Variants in NUP85 observed in about 807,000 individuals in gnomAD.
The protein encoded by NUP85 is nucleoporin 85.
NUP85 carries 23 observed loss-of-function variants against 92.8 expected under a neutral mutation model. The ratio of observed to expected loss-of-function variants is 0.25; its 90% CI spans 0.18 to 0.35. NUP85 has a LOEUF of 0.35. Ranked by LOEUF, NUP85 falls within the 10% of genes least tolerant of loss-of-function variation. NUP85 has a pLI of 1.00. For synonymous variants in NUP85, 314 were observed against 306.9 expected, an observed-to-expected ratio of 1.02 and a Z score of -0.24; for missense variants, 759 against 822.8, an observed-to-expected ratio of 0.92 and a Z score of 0.95.
Position 75,234,750 on chromosome 17 carries a change from C to T in NUP85, c.1729C>T (p.Leu577=), listed in dbSNP as rs1466991490. ...TGCCCCTCGGTCTTTCTGGATGACT[C>T]TGCTGACAGACGCCTTGCCCCTTTT... The part of the protein sequence containing the change: ...RIAPRSFWMT[L]LTDALPLLEQ... The change falls in exon 17 of 19, where the codon CTG becomes TTG. Residue 577 remains leucine, a synonymous_variant. Coordinates refer to ENST00000245544, the MANE Select transcript of NUP85 (RefSeq NM_024844.5). 1.9e-6 allele frequency: 3 copies of T among 1,614,206 alleles called. No individual in the cohort carries two copies. Among genetic ancestry groups the T allele is most frequent in the Admixed American group, 1.7e-5 (1 of 60,032 alleles).
intron 14 of NUP85, among the ~76,000 whole-genome samples, chr17:75,232,642 C>G (rs1273859056): frequency 2.0e-5 from 3 of 152,136 alleles, no homozygotes; most frequent in African/African-American, 7.2e-5. Flanking sequence ...TAGAGCCAGT[C>G]TTGCCGTGAT....
At chr17:75,225,891 A>G in intron 10 of NUP85, 62 bp downstream of exon 10, 1 of 1,606,316 alleles carries the variant, frequency 6.2e-7, no homozygotes. Context: ...CTGATGGGTC[A>G]TTCTCTTTGA....
chr17:75,221,919 G>C (rs763618600), intron 7 of NUP85, among the ~76,000 whole-genome samples: 3 of 152,188 alleles, frequency 2.0e-5, no homozygotes, highest in Non-Finnish European at 4.4e-5. Context: ...GGGGTTTGCT[G>C]ATGGATTGAT....
rs140277927 is a variant in NUP85 at position 75,235,407 on chromosome 17, G to A, written c.1870-171G>A. On this transcript the variant is annotated intron_variant, in intron 18 of 18. Coordinates refer to ENST00000245544, the MANE Select transcript of NUP85 (RefSeq NM_024844.5). Reference sequence around the variant, plus strand: ...TCATCTCTACATTTTGTTCTTTGCTGTTCATCATTTCCAGTATGGCCCTTT... The same window carrying A: ...TCATCTCTACATTTTGTTCTTTGCTATTCATCATTTCCAGTATGGCCCTTT... The A allele has an allele frequency of 1.3e-4, 82 of 616,290 alleles. 2 individuals carry two copies. The African/African-American group carries it at 1.4e-3, about 10-fold the overall frequency. The allele number at this position is 616,290 out of a possible 1,614,324, so 38.2% of individuals were successfully genotyped here. A position where few individuals can be genotyped will look rare whatever the true frequency, so the allele number is the denominator to read the frequency against.
intron 1 of NUP85, among the ~76,000 whole-genome samples, chr17:75,207,254 GCTCT>G (rs1316740478): frequency 6.6e-6 from 1 of 151,434 alleles, no homozygotes; most frequent in Non-Finnish European, 1.5e-5. Context: ...TGCGGTCTCG[GCTCT>G]CTGCAACCTC....
chr17:75,213,309 C>T (rs1196517924), intron 5 of NUP85, among the ~76,000 whole-genome samples, 190 bp downstream of exon 5: 1 of 150,986 alleles, frequency 6.6e-6, no homozygotes, highest in Non-Finnish European at 1.5e-5. Context: ...TTGTTAAATA[C>T]TTGAGTGAAT....
chr17:75,211,936 T>C, intron 3 of NUP85, 56 bp from the exon 4 acceptor site: 1 of 1,341,184 alleles, frequency 7.5e-7, no homozygotes, highest in Middle Eastern at 1.8e-4. Context: ...TTTCCTTCCT[T>C]TGTGGCACTA....
intron 1 of NUP85, 100 bp downstream of exon 1, chr17:75,205,894 C>A: frequency 7.3e-7 from 1 of 1,369,588 alleles, no homozygotes; most frequent in Non-Finnish European, 1.0e-6. Context: ...TCGCGAGGCG[C>A]TCGTCCCCTT....
chr17:75,235,410 C>A, intron 18 of NUP85, 168 bp from the exon 19 acceptor site: 1 of 616,982 alleles, frequency 1.6e-6, no homozygotes, highest in Non-Finnish European at 2.8e-6. Context: ...CTTTGCTGTT[C>A]ATCATTTCCA....
At chr17:75,233,615 T>C (rs1488112401) in intron 16 of NUP85, among the ~76,000 whole-genome samples, 3 of 151,212 alleles carry the variant, frequency 2.0e-5, no homozygotes, top group Non-Finnish European at 3.0e-5. Flanking sequence ...ATTTATTTTT[T>C]GGGGACAGAG....
Position 75,225,247 on chromosome 17 carries a change from G to A in NUP85, c.732+10G>A, listed in dbSNP as rs1034148201. 2.5e-6 allele frequency: 4 copies of A among 1,604,880 alleles called. No homozygotes were observed. Among genetic ancestry groups the A allele is most frequent in the African/African-American group, 1.3e-5 (1 of 74,806 alleles). Reference sequence around the variant, plus strand: ...AATGCCCATTCTTAGTGTACGTGGGGGTAGCTTTGCTCTGCTGGGTCACAG... The same window carrying A: ...AATGCCCATTCTTAGTGTACGTGGGAGTAGCTTTGCTCTGCTGGGTCACAG... On this transcript the variant is annotated intron_variant, in intron 8 of 18. Coordinates refer to ENST00000245544, the MANE Select transcript of NUP85 (RefSeq NM_024844.5).
At chr17:75,228,221 G>C (rs1311514675) in intron 11 of NUP85, 1 of 985,208 alleles carries the variant, frequency 1.0e-6, no homozygotes, top group Non-Finnish European at 1.2e-6. Context: ...TATAAAAGGG[G>C]AAAGCATCCT....
chr17:75,231,894 G>A lies in NUP85; in HGVS notation c.1311G>A (p.Leu437=). 6.2e-7 allele frequency: 1 copy of A among 1,614,212 alleles called. No homozygotes were observed. Among genetic ancestry groups the A allele is most frequent in the Non-Finnish European group, 8.5e-7 (1 of 1,180,042 alleles). The change falls in exon 14 of 19, where the codon CTG becomes CTA. Residue 437 remains leucine (L), a synonymous_variant. Coordinates refer to ENST00000245544, the MANE Select transcript of NUP85 (RefSeq NM_024844.5). This position sits in a 1 kb window ranked among gnomAD's most constrained non-coding sequence, Gnocchi z 4.6. Reference sequence around the variant, plus strand: ...AGCTGGGCCGAGTCTCCCTGGAGCTGCACATTGAGCGGATACCTCTGAACA... The same window carrying A: ...AGCTGGGCCGAGTCTCCCTGGAGCTACACATTGAGCGGATACCTCTGAACA... The part of the protein sequence containing the change: ...CPELGRVSLE[L]HIERIPLNTE...
At chr17:75,207,942 A>G (rs2075135832) in intron 1 of NUP85, among the ~76,000 whole-genome samples, 2 of 151,914 alleles carry the variant, frequency 1.3e-5, no homozygotes, top group South Asian at 4.1e-4. Flanking sequence ...GTGAGTCGAG[A>G]TTGCGTCACT....
At chr17:75,226,239 C>A in intron 11 of NUP85, 82 bp downstream of exon 11, 1 of 1,033,526 alleles carries the variant, frequency 9.7e-7, no homozygotes, top group Non-Finnish European at 1.5e-6. Flanking sequence ...TGGCCTGTTC[C>A]TTCCTTACCC....
intron 7 of NUP85, among the ~76,000 whole-genome samples, chr17:75,223,184 T>A (rs2075650259): frequency 6.6e-6 from 1 of 151,728 alleles, no homozygotes; most frequent in South Asian, 2.1e-4. Context: ...TGTACAAAAA[T>A]GAAAAAAATG....
intron 16 of NUP85, among the ~76,000 whole-genome samples, chr17:75,234,097 G>A (rs1183268065): frequency 7.2e-6 from 1 of 139,708 alleles, no homozygotes; most frequent in Non-Finnish European, 1.5e-5. Flanking sequence ...TGTCGCCCAC[G>A]CTGGAGTGCA....
chr17:75,233,395 TTCTCTTTCTC>T (rs997435483), intron 16 of NUP85, among the ~76,000 whole-genome samples: 6 of 148,254 alleles, frequency 4.0e-5, no homozygotes, highest in Non-Finnish European at 8.9e-5. Flanking sequence ...TTCTTTCTCT[TTCTCTTTCTC>T]TTTCTTTCTT....
In NUP85 at chr17:75,232,901, C is replaced by T. The variant is rs1476844977; in HGVS notation, c.1447C>T (p.Leu483=). The stretch of plus-strand genomic sequence containing the variant: ...CATGAAAGCCGTCCGCAACAATCGC[C>T]TGGGTTCTGCCCTCTCTTGGAGCAT... The part of the protein sequence containing the change: ...LAMKAVRNNR[L]GSALSWSIRA... Residue 483 remains leucine, a synonymous_variant, in exon 15 of 19, where the codon CTG becomes TTG. Transcript: ENST00000245544. 1.9e-6 allele frequency: 3 copies of T among 1,614,102 alleles called. No homozygotes were observed. The highest frequency in any genetic ancestry group is 1.1e-5 in the South Asian group (1 of 91,092).
Sources: allele counts gnomAD v4.1 joint callset (sites outside exome capture counted in the v4.1 genomes callset), GRCh38; gene constraint gnomAD v4.1.1; non-coding constraint Gnocchi (gnomAD v3.1); transcripts MANE v1.5; gene names NCBI Gene and HGNC (gene_info 2026-07-23, HGNC 2026-07-21).